VPS35L: variants seen among roughly 807,000 people sequenced by gnomAD.
The protein encoded by VPS35L is VPS35 endosomal protein sorting factor like, also known as VPS35 endosomal protein-sorting factor-like.
A neutral mutation model predicts 133.0 loss-of-function variants in VPS35L; 83 were observed. The observed-to-expected ratio is 0.62, with a 90% CI of 0.52 to 0.75. The LOEUF is 0.75. Among genes scored for constraint, VPS35L ranks in the 30% least tolerant of loss-of-function variants. The pLI is 0.00. For missense variants in VPS35L, 1,083 were observed against 1,206.8 expected (o/e 0.90, Z 1.52); for synonymous variants, 423 against 449.9 (o/e 0.94, Z 0.76).
intron 12 of VPS35L, among the ~76,000 whole-genome samples, chr16:19,613,779 G>A (rs7197320): frequency 6.6e-6 from 1 of 152,088 alleles, no homozygotes; most frequent in East Asian, 1.9e-4. Context: ...GGAGCTCAGG[G>A]TGAGGTGGAT....
At chr16:19,558,595 G>A (rs1471928632) in intron 1 of VPS35L, among the ~76,000 whole-genome samples, 2 of 152,144 alleles carry the variant, frequency 1.3e-5, no homozygotes, top group African/African-American at 4.8e-5. Flanking sequence ...CACATTTTCC[G>A]TTTAATCCTG....
intron 9 of VPS35L, among the ~76,000 whole-genome samples, chr16:19,607,160 CTGTTT>C (rs1022067558): frequency 3.3e-5 from 5 of 152,158 alleles, no homozygotes; most frequent in African/African-American, 1.2e-4. Flanking sequence ...TAAATTTCTG[CTGTTT>C]AAAAATATGT....
At chr16:19,628,780 TA>T (rs1314028415) in intron 17 of VPS35L, 27 bp downstream of exon 17, 279 of 313,380 alleles carry the variant, frequency 8.9e-4, no homozygotes, top group Non-Finnish European at 1.1e-3. Flanking sequence ...TTTTTATTTT[TA>T]TTTATTTATT....
chr16:19,581,515 C>G lies in VPS35L; in HGVS notation c.511-10C>G, dbSNP rs559863804. On this transcript the variant is annotated splice_polypyrimidine_tract_variant and intron_variant, in intron 6 of 30. Transcript: ENST00000417362. ...CTGCTATGCCTTCACCTTCTGCCTT[C>G]TCCCCACAGGGTTCCCAAAAGGAGC... 6.4e-7 allele frequency: 1 copy of G among 1,574,336 alleles called. No individual in the cohort carries two copies. The highest frequency in any genetic ancestry group is 1.4e-5 in the African/African-American group (1 of 73,548).
chr16:19,645,692 A>G (rs2058790816), intron 23 of VPS35L, among the ~76,000 whole-genome samples: 1 of 152,116 alleles, frequency 6.6e-6, no homozygotes, highest in African/African-American at 2.4e-5. Context: ...TCTGCAGCCC[A>G]GCAGGTGGGA....
chr16:19,565,863 G>A (rs1971172480), intron 2 of VPS35L, among the ~76,000 whole-genome samples: 1 of 152,184 alleles, frequency 6.6e-6, no homozygotes, highest in Non-Finnish European at 1.5e-5. Flanking sequence ...CCAGCAGAGA[G>A]TGCTGTCCTG....
At chr16:19,700,269 A>C in intron 30 of VPS35L, 109 bp from the exon 31 acceptor site, 1 of 938,942 alleles carries the variant, frequency 1.1e-6, no homozygotes, top group Non-Finnish European at 1.6e-6. Flanking sequence ...CAAAAAACTC[A>C]CTCTTCTCTG....
chr16:19,622,166 A>G (rs1973106061), intron 14 of VPS35L, among the ~76,000 whole-genome samples: 1 of 114,606 alleles, frequency 8.7e-6, no homozygotes, highest in South Asian at 2.9e-4. Flanking sequence ...TTTTTTTAAG[A>G]CGGAGTCCTG....
chr16:19,627,866 T>C, intron 16 of VPS35L, 61 bp downstream of exon 16: 1 of 1,348,766 alleles, frequency 7.4e-7, no homozygotes, highest in East Asian at 2.3e-5. Context: ...TGATAGCTCT[T>C]GAGAGACAGT....
At chr16:19,690,824 G>A (rs1195639176) in intron 28 of VPS35L, among the ~76,000 whole-genome samples, 2 of 152,114 alleles carry the variant, frequency 1.3e-5, no homozygotes, top group African/African-American at 2.4e-5. Flanking sequence ...ATAGCCAGGC[G>A]TGCTGGCAGG....
At chr16:19,602,097 T>C (rs533449817) in intron 9 of VPS35L, among the ~76,000 whole-genome samples, 1 of 152,308 alleles carries the variant, frequency 6.6e-6, no homozygotes, top group East Asian at 1.9e-4. Flanking sequence ...TATTAAAGAA[T>C]GATGTCAAAT....
chr16:19,650,561 G>A, intron 25 of VPS35L, 102 bp downstream of exon 25: 5 of 948,052 alleles, frequency 5.3e-6, no homozygotes, highest in Non-Finnish European at 6.8e-6. Context: ...AGTATGTCAT[G>A]ATAAGAATGG....
chr16:19,585,755 C>T (rs1465888771), intron 7 of VPS35L, among the ~76,000 whole-genome samples: 12 of 151,780 alleles, frequency 7.9e-5, no homozygotes, highest in Admixed American at 6.6e-4. Context: ...TGAAGTGGTA[C>T]CTCATTGTGG....
chr16:19,594,674 A>AAG (rs1972151938), intron 8 of VPS35L, among the ~76,000 whole-genome samples: 2 of 142,812 alleles, frequency 1.4e-5, no homozygotes, highest in Non-Finnish European at 3.1e-5. Flanking sequence ...AAAAAAAAGA[A>AAG]GAGAAAAAAA....
rs1976050341 is a variant in VPS35L, at chr16:19,699,787, A to G, written c.2793+139A>G. 8.6e-7 allele frequency: 1 copy of G among 1,163,204 alleles called. No individual in the cohort carries two copies. The allele number at this position is 1,163,204 out of a possible 1,614,324, so 72.1% of individuals were successfully genotyped here. ...AAAGCACTTGGTCCATTTCTACTGG[A>G]TCACTTCCTAGCAGTAAAAAGCAGA... On this transcript the variant is annotated intron_variant, in intron 30 of 30. Transcript: ENST00000417362. This position sits in a 1 kb window ranked among gnomAD's most constrained non-coding sequence, Gnocchi z 4.2.
intron 27 of VPS35L, among the ~76,000 whole-genome samples, chr16:19,674,184 C>CTTTTTTTTTTT (rs201038834): frequency 2.3e-4 from 16 of 70,904 alleles, no homozygotes; most frequent in African/African-American, 7.5e-4. Flanking sequence ...TTTTCTTTTT[C>CTTTTTTTTTTT]TTTTTTTTTT....
chr16:19,614,936 C>T (rs888648856), intron 12 of VPS35L, among the ~76,000 whole-genome samples: 1 of 152,126 alleles, frequency 6.6e-6, no homozygotes, highest in African/African-American at 2.4e-5. Context: ...AGTCAGGACC[C>T]AGTGGATTAT....
intron 1 of VPS35L, among the ~76,000 whole-genome samples, chr16:19,564,234 CG>C (rs1971114588): frequency 6.6e-6 from 1 of 151,340 alleles, no homozygotes; most frequent in African/African-American, 2.4e-5. Context: ...TGTGCCACCA[CG>C]CCCGGCTAAT....
chr16:19,644,821 A>AT lies in VPS35L; in HGVS notation c.1866-58dup, dbSNP rs933601532. On this transcript the variant is annotated intron_variant, in intron 22 of 30. Coordinates refer to ENST00000417362, the MANE Select transcript of VPS35L (RefSeq NM_020314.7). ...CTGTTAAATTACTTACCCCTTGTGT[A>AT]TTTTTTTCTTTAGAAACTTTCATCT... 4.0e-4 allele frequency: 490 copies of AT among 1,238,494 alleles called. 5 individuals carry two copies. Among genetic ancestry groups the AT allele is most frequent in the Admixed American group, 2.0e-5 (1 of 49,284 alleles). 76.7% of individuals were successfully genotyped at this position (1,238,494 alleles called of 1,614,324 possible).
Sources: gnomAD v4.1 joint callset for allele counts (sites outside exome capture counted in the v4.1 genomes callset) on GRCh38, gnomAD v4.1.1 for gene constraint, Gnocchi (gnomAD v3.1) non-coding constraint, MANE v1.5 for transcripts, NCBI Gene and HGNC (gene_info 2026-07-23, HGNC 2026-07-21) for gene names.